DCC: variants seen among roughly 807,000 people sequenced by gnomAD.
DCC encodes the protein netrin receptor DCC.
DCC carries 58 observed loss-of-function variants against 172.5 expected under a neutral mutation model. The ratio of observed to expected loss-of-function variants is 0.34; its 90% CI spans 0.27 to 0.42. DCC has a LOEUF of 0.42. Among genes scored for constraint, DCC ranks in the 10% least tolerant of loss-of-function variants. DCC has a pLI of 1.00. For synonymous variants in DCC, 709 were observed against 644.5 expected, an observed-to-expected ratio of 1.10 and a Z score of -1.52; for missense variants, 1,740 against 1,791.0, an observed-to-expected ratio of 0.97 and a Z score of 0.51.
intron 1 of DCC, among the ~76,000 whole-genome samples, chr18:52,736,184 T>A (rs556487935): frequency 2.7e-4 from 41 of 152,096 alleles, no homozygotes; most frequent in East Asian, 2.5e-3. Context: ...CCTCTCTGGG[T>A]CTTTGTCCCT....
intron 5 of DCC, among the ~76,000 whole-genome samples, chr18:53,057,623 TCTTGC>T (rs1442131515): frequency 6.6e-6 from 1 of 152,104 alleles, no homozygotes; most frequent in African/African-American, 2.4e-5. Flanking sequence ...GAAATCAATA[TCTTGC>T]CTGAAATTCT....
intron 1 of DCC, among the ~76,000 whole-genome samples, chr18:52,511,224 T>A (rs1464170438): frequency 2.1e-4 from 29 of 140,238 alleles, no homozygotes; most frequent in African/African-American, 6.5e-4. Context: ...GACATCGCAG[T>A]GAGCTGAGAT....
chr18:53,344,627 A>T (rs2057702035), intron 15 of DCC, among the ~76,000 whole-genome samples: 1 of 150,770 alleles, frequency 6.6e-6, no homozygotes, highest in Non-Finnish European at 1.5e-5. Context: ...TTTTTAGTGG[A>T]GACGGGGTTG....
At position 53,441,577 on chromosome 18, in the gene DCC, G is replaced by A. The variant is rs997949727; in HGVS notation, c.3229+6368G>A. Among the ~76,000 whole-genome samples, 4 of 151,968 alleles carry A rather than the reference G, an allele frequency of 2.6e-5. No homozygotes were observed. In the East Asian group the frequency reaches 5.8e-4, roughly 22 times the overall value. On this transcript the variant is annotated intron_variant, in intron 22 of 28. Coordinates refer to ENST00000442544, the MANE Select transcript of DCC (RefSeq NM_005215.4). ...CTCAAGACATGAGGACTACTACTTA[G>A]GCTTGAACCTGAGTCTCTCATTCTT... is the stretch of plus-strand genomic sequence containing the variant.
chr18:53,258,279 T>C (rs996974409), intron 12 of DCC, among the ~76,000 whole-genome samples: 7 of 152,094 alleles, frequency 4.6e-5, no homozygotes, highest in African/African-American at 1.7e-4. Flanking sequence ...GCTCTTGCTT[T>C]TCTAGTTCTT....
At position 53,339,629 on chromosome 18, in the gene DCC, T is replaced by G. The variant is rs538309310; in HGVS notation, c.2165-84T>G. On this transcript the variant is annotated intron_variant, in intron 14 of 28. Coordinates refer to ENST00000442544, the MANE Select transcript of DCC (RefSeq NM_005215.4). ...GCATTATTTATGCATCTATGAAATA[T>G]GATTTCTCTTGCTTAAATGGTGTTC... 60 of 1,016,874 alleles carry G rather than the reference T, an allele frequency of 5.9e-5. No homozygotes were observed. The African/African-American group carries it at 7.6e-4, about 13-fold the overall frequency. 63.0% of individuals were successfully genotyped at this position (1,016,874 alleles called of 1,614,324 possible). A position where few individuals can be genotyped will look rare whatever the true frequency, so the allele number is the denominator to read the frequency against.
chr18:52,494,264 A>ATGTG (rs10633986), intron 1 of DCC, among the ~76,000 whole-genome samples: 12,703 of 147,422 alleles, frequency 0.086, 1,228 homozygotes, highest in African/African-American at 0.24. Context: ...ATGGTTTGTG[A>ATGTG]TGTGTGTGTG....
At chr18:52,678,003 C>T (rs1008314673) in intron 1 of DCC, among the ~76,000 whole-genome samples, 21 of 152,102 alleles carry the variant, frequency 1.4e-4, no homozygotes, top group African/African-American at 3.6e-4. Flanking sequence ...GTACTTATTG[C>T]GTGTATTACC....
chr18:52,976,837 G>A (rs932834892), intron 5 of DCC, among the ~76,000 whole-genome samples: 1 of 152,166 alleles, frequency 6.6e-6, no homozygotes, highest in African/African-American at 2.4e-5. Flanking sequence ...AACACAGAGA[G>A]CTTACCTCTG....
intron 5 of DCC, among the ~76,000 whole-genome samples, chr18:53,004,090 A>G (rs2041608747): frequency 6.6e-6 from 1 of 152,174 alleles, no homozygotes; most frequent in Non-Finnish European, 1.5e-5. Flanking sequence ...GTTGTATAAA[A>G]GTGAAATTAT....
intron 23 of DCC, among the ~76,000 whole-genome samples, chr18:53,455,848 ACAAT>A (rs2045476291): frequency 6.6e-6 from 1 of 152,234 alleles, no homozygotes; most frequent in Non-Finnish European, 1.5e-5. Context: ...ATGCCATGTT[ACAAT>A]CATTTTTTAA....
At chr18:52,757,569 T>A (rs4441368) in intron 2 of DCC, among the ~76,000 whole-genome samples, 2,873 of 152,150 alleles carry the variant, frequency 0.019, 109 homozygotes, top group African/African-American at 0.066. Flanking sequence ...GCCTAAGTGG[T>A]ACTTCTGCTT....
intron 7 of DCC, among the ~76,000 whole-genome samples, chr18:53,101,648 C>T (rs1598802784): frequency 6.6e-6 from 1 of 152,082 alleles, no homozygotes; most frequent in East Asian, 1.9e-4. Flanking sequence ...TTTTCACTGA[C>T]ATGTTTGTTG....
chr18:53,332,224 G>A (rs770030565), intron 14 of DCC, among the ~76,000 whole-genome samples: 7 of 152,100 alleles, frequency 4.6e-5, no homozygotes, highest in Non-Finnish European at 7.3e-5. Flanking sequence ...GGTATTCATC[G>A]ACTCCTGTTA....
intron 2 of DCC, among the ~76,000 whole-genome samples, chr18:52,765,373 C>CT (rs1424432639): frequency 6.6e-6 from 1 of 151,954 alleles, no homozygotes; most frequent in Non-Finnish European, 1.5e-5. Flanking sequence ...CAAATCCATA[C>CT]TCATCTCTTC....
chr18:53,001,644 G>C (rs1228201068), intron 5 of DCC, among the ~76,000 whole-genome samples: 1 of 151,998 alleles, frequency 6.6e-6, no homozygotes, highest in Non-Finnish European at 1.5e-5. Context: ...ATTTCTCTGG[G>C]TTATTTGAAA....
intron 4 of DCC, among the ~76,000 whole-genome samples, chr18:52,924,117 C>G (rs563832492): frequency 6.6e-6 from 1 of 152,128 alleles, no homozygotes; most frequent in South Asian, 2.1e-4. Context: ...TGAGATGGTC[C>G]TGTCCAAAGA....
chr18:52,485,220 T>G (rs1240153242), intron 1 of DCC, among the ~76,000 whole-genome samples: 1 of 152,088 alleles, frequency 6.6e-6, no homozygotes, highest in Non-Finnish European at 1.5e-5. Flanking sequence ...TAAAGAAATA[T>G]GGAACAGCCA....
rs9950229 is a variant in DCC at position 52,537,617 on chromosome 18, C to T, written c.91+196739C>T. Among the ~76,000 whole-genome samples, 1,292 of 152,010 alleles carry T rather than the reference C, an allele frequency of 8.5e-3. 26 individuals are homozygous for T. The highest frequency in any genetic ancestry group is 0.03 in the African/African-American group (1,243 of 41,446). On this transcript the variant is annotated intron_variant, in intron 1 of 28. Coordinates refer to ENST00000442544, the MANE Select transcript of DCC (RefSeq NM_005215.4). Reference sequence around the variant, plus strand: ...TACACATTTTTGGACCTCCTATAGCCAGCTTGTCTCACCAACTATTACAAG... The same window carrying T: ...TACACATTTTTGGACCTCCTATAGCTAGCTTGTCTCACCAACTATTACAAG...
Sources: gnomAD v4.1 joint callset for allele counts (sites outside exome capture counted in the v4.1 genomes callset) on GRCh38, gnomAD v4.1.1 for gene constraint, MANE v1.5 for transcripts, NCBI Gene and HGNC (gene_info 2026-07-23, HGNC 2026-07-21) for gene names.